The following CREG2 variants were observed in gnomAD, a reference collection of about 807,000 sequenced individuals.
CREG2 encodes the protein protein CREG2.
A neutral mutation model predicts 26.2 loss-of-function variants in CREG2; 24 were observed. That is an observed-to-expected ratio of 0.92 (90% CI 0.66 to 1.29). The LOEUF (loss-of-function observed/expected upper bound fraction) is 1.29. Among genes scored for constraint, CREG2 ranks in the 50% most tolerant of loss-of-function variants. The pLI, the probability that CREG2 is intolerant of heterozygous loss-of-function variation, is 0.00. For synonymous variants in CREG2, 174 were observed against 169.2 expected, an observed-to-expected ratio of 1.03 and a Z score of -0.22; for missense variants, 366 against 398.6, an observed-to-expected ratio of 0.92 and a Z score of 0.70.
intron 3 of CREG2, among the ~76,000 whole-genome samples, chr2:101,352,719 AC>A (rs1289085538): frequency 1.3e-5 from 2 of 152,052 alleles, no homozygotes; most frequent in Non-Finnish European, 2.9e-5. Context: ...GAGGCACAAG[AC>A]TCACTTGAAC....
Position 101,364,904 on chromosome 2 carries a change from G to A in CREG2, c.612-9538C>T, listed in dbSNP as rs941775713. Among the ~76,000 whole-genome samples the A allele has an allele frequency of 2.6e-4, 40 of 152,226 alleles. 1 individual carries two copies. Among genetic ancestry groups the A allele is most frequent in the African/African-American group, 7.5e-4 (31 of 41,460 alleles). On this transcript the variant is annotated intron_variant, in intron 2 of 3. Transcript: ENST00000324768. ...GAAAGGGGAGCCAGGACATGCTGACGGGTGGGAGGATCGTGATGGGGGCAA... is the reference window on the plus strand; with the variant it reads ...GAAAGGGGAGCCAGGACATGCTGACAGGTGGGAGGATCGTGATGGGGGCAA...
chr2:101,357,758 G>A (rs1430329002), intron 2 of CREG2, among the ~76,000 whole-genome samples: 4 of 151,864 alleles, frequency 2.6e-5, no homozygotes, highest in South Asian at 2.1e-4. Context: ...GAAACTCAGA[G>A]GGGTTAAGTT....
At chr2:101,375,027 C>G (rs919449053) in intron 2 of CREG2, among the ~76,000 whole-genome samples, 4 of 152,146 alleles carry the variant, frequency 2.6e-5, no homozygotes, top group Admixed American at 1.3e-4. Flanking sequence ...TTCACAGAAG[C>G]AGTTCCTCTT....
chr2:101,359,070 AAAG>A lies in CREG2; in HGVS notation c.612-3707_612-3705del, dbSNP rs1402976295. On this transcript the variant is annotated intron_variant, in intron 2 of 3. Coordinates refer to ENST00000324768, the MANE Select transcript of CREG2 (RefSeq NM_153836.4). ...AAAAAAAAAAAAAAAAAAAAAAAAA[AAAG>A]AGAGAACTGAGGCAAGTTTTAGAGC... 2.1e-4 allele frequency among the ~76,000 whole-genome samples: 29 copies of A among 135,044 alleles called. 7 individuals carry two copies. Among genetic ancestry groups the A allele is most frequent in the African/African-American group, 8.1e-4 (27 of 33,396 alleles). 88.6% of individuals were successfully genotyped at this position (135,044 alleles called of 152,430 possible).
chr2:101,358,020 G>A (rs1453461346), intron 2 of CREG2, among the ~76,000 whole-genome samples: 1 of 150,352 alleles, frequency 6.7e-6, no homozygotes, highest in Non-Finnish European at 1.5e-5. Context: ...TCTGGTCAGA[G>A]TCTCACTCTG....
chr2:101,382,903 C>G (rs1369193521), intron 2 of CREG2: 1 of 985,568 alleles, frequency 1.0e-6, no homozygotes, highest in Non-Finnish European at 1.2e-6. Context: ...AGCTCCCACA[C>G]CAGCTCCATG....
In CREG2 at chr2:101,348,553, A is replaced by G. The variant is rs1444157934; in HGVS notation, c.*2370T>C. 1 of 152,088 alleles carries G rather than the reference A, an allele frequency of 6.6e-6. No homozygotes were observed. The highest frequency in any genetic ancestry group is 1.5e-5 in the Non-Finnish European group (1 of 68,020). 9.4% of individuals were successfully genotyped at this position (152,088 alleles called of 1,614,324 possible). A position where few individuals can be genotyped will look rare whatever the true frequency, so the allele number is the denominator to read the frequency against. On this transcript the variant is annotated 3_prime_UTR_variant, in exon 4 of 4. Coordinates refer to ENST00000324768, the MANE Select transcript of CREG2 (RefSeq NM_153836.4). ...GTATTTCACTTTGGAGTGATTGCAA[A>G]TGGTATTGTGTTTTTAGTTTTTTTC...
chr2:101,355,240 A>AG lies in CREG2; in HGVS notation c.725+12dup. On this transcript the variant is annotated intron_variant, in intron 3 of 3. Transcript: ENST00000324768. ...GTATTTCTGGGCATATAAATTTTAAAGCATTTACACACCTTGAAAACATGG... is the reference window on the plus strand; with the variant it reads ...GTATTTCTGGGCATATAAATTTTAAAGGCATTTACACACCTTGAAAACATGG... 6.5e-7 allele frequency: 1 copy of AG among 1,531,790 alleles called. No homozygotes were observed. The highest frequency in any genetic ancestry group is 9.0e-7 in the Non-Finnish European group (1 of 1,105,188). The allele number at this position is 1,531,790 out of a possible 1,614,324, so 94.9% of individuals were successfully genotyped here. A position where few individuals can be genotyped will look rare whatever the true frequency, so the allele number is the denominator to read the frequency against.
intron 2 of CREG2, among the ~76,000 whole-genome samples, chr2:101,357,909 G>A (rs969326553): frequency 2.7e-5 from 4 of 150,494 alleles, no homozygotes; most frequent in African/African-American, 9.8e-5. Context: ...CCTGGGAGGC[G>A]GAGCTTGCAG....
chr2:101,382,817 G>A, intron 2 of CREG2: 1 of 985,458 alleles, frequency 1.0e-6, no homozygotes, highest in Non-Finnish European at 1.2e-6. Context: ...CTAAGGTCCT[G>A]GAGGTTAAAG....
In CREG2 at chr2:101,387,058, T is replaced by C; in HGVS notation, c.400A>G (p.Ser134Gly). ...ACGGTGGCCAGGCAGCCCCAGACGC[T>C]GGCATGGGCCAGGGAGCGGGCGGTG... is the stretch of plus-strand genomic sequence containing the variant. ...AATARSLAHA[S>G]VWGCLATVST... Residue 134 changes from serine (S) to glycine (G), a missense_variant, in exon 1 of 4, where the codon AGC (serine) becomes GGC (glycine). This residue lies in a region of CREG2 where 15 missense variants were observed against 37.2 expected (regional missense o/e 0.40). Coordinates refer to ENST00000324768, the MANE Select transcript of CREG2 (RefSeq NM_153836.4). This position sits in a 1 kb window ranked among gnomAD's most constrained non-coding sequence, Gnocchi z 4.7. 1.6e-6 allele frequency: 2 copies of C among 1,232,592 alleles called. No homozygotes were observed. Among genetic ancestry groups the C allele is most frequent in the Admixed American group, 4.2e-5 (1 of 23,684 alleles). The allele number at this position is 1,232,592 out of a possible 1,614,324, so 76.4% of individuals were successfully genotyped here.
chr2:101,369,315 G>A (rs933340314), intron 2 of CREG2, among the ~76,000 whole-genome samples: 3 of 152,116 alleles, frequency 2.0e-5, no homozygotes, highest in African/African-American at 7.2e-5. Context: ...CTGCAGACTG[G>A]GTGGGGGTGT....
At chr2:101,357,761 G>A (rs1684483377) in intron 2 of CREG2, among the ~76,000 whole-genome samples, 1 of 151,844 alleles carries the variant, frequency 6.6e-6, no homozygotes, top group Non-Finnish European at 1.5e-5. Context: ...ACTCAGAGGG[G>A]TTAAGTTGTC....
At position 101,346,646 on chromosome 2, in the gene CREG2, A is replaced by G. The variant is rs1258797514; in HGVS notation, c.*4277T>C. Reference sequence around the variant, plus strand: ...GTCTCTTTGTACTAGGTTTTGGCTTATAGCTCAGTTCCTCATTTTATTAGG... The same window carrying G: ...GTCTCTTTGTACTAGGTTTTGGCTTGTAGCTCAGTTCCTCATTTTATTAGG... On this transcript the variant is annotated 3_prime_UTR_variant, in exon 4 of 4. Coordinates refer to ENST00000324768, the MANE Select transcript of CREG2 (RefSeq NM_153836.4). 6.6e-6 allele frequency: 1 copy of G among 152,228 alleles called. No individual in the cohort carries two copies. Among genetic ancestry groups the G allele is most frequent in the Non-Finnish European group, 1.5e-5 (1 of 68,030 alleles). 9.4% of individuals were successfully genotyped at this position (152,228 alleles called of 1,614,324 possible).
chr2:101,382,860 C>T, intron 2 of CREG2: 1 of 985,492 alleles, frequency 1.0e-6, no homozygotes. Context: ...GCATTTGCTG[C>T]TCCTCTGGGA....
rs1684333731 is a variant in CREG2, at chr2:101,348,557, T to C, written c.*2366A>G. ...TTCACTTTGGAGTGATTGCAAATGG[T>C]ATTGTGTTTTTAGTTTTTTTCCCCA... On this transcript the variant is annotated 3_prime_UTR_variant, in exon 4 of 4. Coordinates refer to ENST00000324768, the MANE Select transcript of CREG2 (RefSeq NM_153836.4). The C allele has an allele frequency of 6.6e-6, 1 of 152,172 alleles. No individual in the cohort carries two copies. Among genetic ancestry groups the C allele is most frequent in the South Asian group, 2.1e-4 (1 of 4,834 alleles). The allele number at this position is 152,172 out of a possible 1,614,324, so 9.4% of individuals were successfully genotyped here.
Position 101,349,672 on chromosome 2 carries a change from A to C in CREG2, c.*1251T>G, listed in dbSNP as rs1205801282. On this transcript the variant is annotated 3_prime_UTR_variant, in exon 4 of 4. Coordinates refer to ENST00000324768, the MANE Select transcript of CREG2 (RefSeq NM_153836.4). Reference sequence around the variant, plus strand: ...ACAGGTACAGTCTAATTTCTCAAAAACACTAGGAGCTCCTACATATAATAT... The same window carrying C: ...ACAGGTACAGTCTAATTTCTCAAAACCACTAGGAGCTCCTACATATAATAT... The C allele has an allele frequency of 6.6e-6, 1 of 152,234 alleles. No individual in the cohort carries two copies. The highest frequency in any genetic ancestry group is 1.5e-5 in the Non-Finnish European group (1 of 68,008). The allele number at this position is 152,234 out of a possible 1,614,324, so 9.4% of individuals were successfully genotyped here.
At chr2:101,358,666 T>C (rs954366377) in intron 2 of CREG2, among the ~76,000 whole-genome samples, 1 of 152,230 alleles carries the variant, frequency 6.6e-6, no homozygotes, top group East Asian at 1.9e-4. Context: ...GCAGTGAATC[T>C]GTATGGATCT....
chr2:101,358,369 T>C (rs1269268032), intron 2 of CREG2, among the ~76,000 whole-genome samples: 1 of 152,160 alleles, frequency 6.6e-6, no homozygotes, highest in Admixed American at 6.5e-5. Flanking sequence ...GTCCCCAAGG[T>C]TTATGGATTC....
Sources: allele counts gnomAD v4.1 joint callset (sites outside exome capture counted in the v4.1 genomes callset), GRCh38; gene constraint gnomAD v4.1.1; regional missense constraint gnomAD v4.1.1; non-coding constraint Gnocchi (gnomAD v3.1); transcripts MANE v1.5; gene names NCBI Gene and HGNC (gene_info 2026-07-23, HGNC 2026-07-21).